Variants in ROBO2 observed in about 807,000 individuals in gnomAD.
ROBO2 encodes the protein roundabout homolog 2.
A neutral mutation model predicts 160.8 loss-of-function variants in ROBO2; 53 were observed. That is an observed-to-expected ratio of 0.33 (90% CI 0.26 to 0.41). The LOEUF (loss-of-function observed/expected upper bound fraction) is 0.41, where lower values mean the gene tolerates loss of function less well. Ranked by LOEUF, ROBO2 falls within the 10% of genes least tolerant of loss-of-function variation. ROBO2 has a pLI of 1.00. For missense variants in ROBO2, 1,577 were observed against 1,722.4 expected (o/e 0.92, Z 1.49); for synonymous variants, 664 against 611.7 (o/e 1.09, Z -1.26).
chr3:76,298,248 T>C (rs1432331060), intron 2 of ROBO2, among the ~76,000 whole-genome samples: 2 of 151,960 alleles, frequency 1.3e-5, no homozygotes, highest in Non-Finnish European at 2.9e-5. Context: ...TTATAATGGA[T>C]TGTACAAGGG....
chr3:76,555,420 A>AGG lies in ROBO2; in HGVS notation c.110-542593_110-542592insGG, dbSNP rs1560141578. ...AGAAGAAGAAGAAGAAGAAGAAGAA[A>AGG]GAAGGAGAAGGGGAAGGGGAAGAGG... On this transcript the variant is annotated intron_variant, in intron 2 of 26. Coordinates refer to the ROBO2 transcript ENST00000487694. Among the ~76,000 whole-genome samples, 94 of 69,480 alleles carry AGG rather than the reference A, an allele frequency of 1.4e-3. 1 individual carries two copies. The highest frequency in any genetic ancestry group is 4.1e-3 in the African/African-American group (88 of 21,702). 45.6% of individuals were successfully genotyped at this position (69,480 alleles called of 152,430 possible).
chr3:77,274,609 A>G (rs1360914751), intron 2 of ROBO2, among the ~76,000 whole-genome samples: 1 of 152,272 alleles, frequency 6.6e-6, no homozygotes, highest in South Asian at 2.1e-4. Context: ...TTAGGAAGCC[A>G]AAGATAATCA....
chr3:76,960,995 C>T (rs1414327858), intron 2 of ROBO2, among the ~76,000 whole-genome samples: 1 of 151,784 alleles, frequency 6.6e-6, no homozygotes, highest in Non-Finnish European at 1.5e-5. Flanking sequence ...TTTGTGTATC[C>T]AGTGGTATTA....
chr3:76,143,478 A>T (rs1369236785), intron 2 of ROBO2, among the ~76,000 whole-genome samples: 2 of 152,094 alleles, frequency 1.3e-5, no homozygotes, highest in African/African-American at 2.4e-5. Context: ...AAGTTCCTTG[A>T]TAAGGAGTAT....
Position 76,039,092 on chromosome 3 carries a change from C to T in ROBO2, c.109+101490C>T, listed in dbSNP as rs891822013. On this transcript the variant is annotated intron_variant, in intron 2 of 26. Coordinates refer to the ROBO2 transcript ENST00000487694. ...AATTTGTTTTAGGTAGAAGAAACTGCGTAATTGACTTTGAAATGTTCCTCC... is the reference window on the plus strand; with the variant it reads ...AATTTGTTTTAGGTAGAAGAAACTGTGTAATTGACTTTGAAATGTTCCTCC... Among the ~76,000 whole-genome samples, 7 of 151,858 alleles carry T rather than the reference C, an allele frequency of 4.6e-5. No individual in the cohort carries two copies. The East Asian group carries it at 9.7e-4, about 21-fold the overall frequency.
At chr3:76,937,967 C>T (rs953560148) in intron 2 of ROBO2, among the ~76,000 whole-genome samples, 2 of 152,164 alleles carry the variant, frequency 1.3e-5, no homozygotes, top group Non-Finnish European at 2.9e-5. Context: ...TCAAGTAAAA[C>T]ACCAGCATGG....
chr3:77,049,840 A>G (rs767931582), intron 1 of ROBO2, among the ~76,000 whole-genome samples: 2 of 152,158 alleles, frequency 1.3e-5, no homozygotes, highest in Non-Finnish European at 2.9e-5. Flanking sequence ...CCCAGTTGAA[A>G]CCAGACTGGA....
At chr3:76,928,764 A>G (rs1197353124) in intron 2 of ROBO2, among the ~76,000 whole-genome samples, 1 of 152,152 alleles carries the variant, frequency 6.6e-6, no homozygotes, top group African/African-American at 2.4e-5. Flanking sequence ...CTCAACTCCA[A>G]GAATTCTCCA....
At chr3:76,497,853 CCCAGCATTTCCAGCATTCCCAGCATTT>C (rs2080239442) in intron 2 of ROBO2, among the ~76,000 whole-genome samples, 1 of 152,032 alleles carries the variant, frequency 6.6e-6, no homozygotes, top group Non-Finnish European at 1.5e-5. Flanking sequence ...TCCCAGCATT[CCCAGCATTTCCAGCATTCCCAGCATTT>C]CCAGCATTCC....
At position 75,935,875 on chromosome 3, in the gene ROBO2, A is replaced by G. The variant is rs574706736; in HGVS notation, c.-13-1606A>G. Among the ~76,000 whole-genome samples, 37 of 152,274 alleles carry G rather than the reference A, an allele frequency of 2.4e-4. No individual in the cohort carries two copies. The Middle Eastern group carries it at 0.01, about 42-fold the overall frequency. On this transcript the variant is annotated intron_variant, in intron 1 of 26. Transcript: ENST00000487694. ...CGTCCTGTTTTGTCTCAGTCTCCAC[A>G]AGAGTACCCATAACCTGATGACTAG...
At chr3:76,230,862 G>T (rs1005288742) in intron 2 of ROBO2, among the ~76,000 whole-genome samples, 1 of 152,118 alleles carries the variant, frequency 6.6e-6, no homozygotes. Flanking sequence ...ATTCCGGACT[G>T]GTGCCCTTTT....
At chr3:76,437,524 CAT>C (rs778656961) in intron 2 of ROBO2, among the ~76,000 whole-genome samples, 2 of 152,146 alleles carry the variant, frequency 1.3e-5, no homozygotes, top group Non-Finnish European at 2.9e-5. Context: ...TGAAATGTCA[CAT>C]GTGAATTTTA....
chr3:76,992,475 C>T (rs1277338794), intron 2 of ROBO2, among the ~76,000 whole-genome samples: 1 of 151,354 alleles, frequency 6.6e-6, no homozygotes, highest in African/African-American at 2.4e-5. Flanking sequence ...CTAAAGAAGA[C>T]TTAATGCCAC....
At chr3:76,670,724 T>G (rs939678034) in intron 2 of ROBO2, among the ~76,000 whole-genome samples, 1 of 151,994 alleles carries the variant, frequency 6.6e-6, no homozygotes, top group African/African-American at 2.4e-5. Flanking sequence ...TTTATAGTAT[T>G]TAGAAAAATG....
At chr3:76,320,151 A>G (rs2072396729) in intron 2 of ROBO2, among the ~76,000 whole-genome samples, 1 of 152,152 alleles carries the variant, frequency 6.6e-6, no homozygotes, top group Non-Finnish European at 1.5e-5. Context: ...AGAATTAAGT[A>G]GGATATTATC....
At chr3:76,085,112 T>C (rs201266911) in intron 2 of ROBO2, among the ~76,000 whole-genome samples, 5,004 of 146,696 alleles carry the variant, frequency 0.034, 220 homozygotes, top group East Asian at 0.15. Context: ...CATATATATA[T>C]ATATACACAC....
chr3:77,584,963 T>TAC lies in ROBO2; in HGVS notation c.2501-3782_2501-3781dup, dbSNP rs1337913668. ...ATATATATACACACACACATATATA[T>TAC]ACACACATATATATATATATACTAT... On this transcript the variant is annotated intron_variant, in intron 16 of 25. Transcript: ENST00000461745. Among the ~76,000 whole-genome samples, 47 of 147,610 alleles carry TAC rather than the reference T, an allele frequency of 3.2e-4. 1 individual carries two copies. The highest frequency in any genetic ancestry group is 2.0e-3 in the Admixed American group (30 of 14,652).
intron 2 of ROBO2, among the ~76,000 whole-genome samples, chr3:76,761,145 A>G (rs4855989): frequency 0.32 from 48,526 of 151,606 alleles, 9,478 homozygotes; most frequent in Non-Finnish European, 0.43. Flanking sequence ...TTAACTAGGG[A>G]TCAATTTGTT....
intron 23 of ROBO2, among the ~76,000 whole-genome samples, chr3:77,626,164 G>A (rs548332626): frequency 5.3e-5 from 8 of 152,224 alleles, no homozygotes; most frequent in South Asian, 2.1e-4. Context: ...GAGTGTGTGT[G>A]TATATAAACA....
Sources: allele counts gnomAD v4.1 joint callset (sites outside exome capture counted in the v4.1 genomes callset), GRCh38; gene constraint gnomAD v4.1.1; transcripts MANE v1.5; gene names NCBI Gene and HGNC (gene_info 2026-07-23, HGNC 2026-07-21).